LMBR1: variants seen among roughly 807,000 people sequenced by gnomAD.
The protein encoded by LMBR1 is limb development membrane protein 1.
In LMBR1, 52 loss-of-function variants were observed where a neutral mutation model predicts 73.9. The observed-to-expected ratio is 0.70, with a 90% CI of 0.56 to 0.89. The LOEUF (loss-of-function observed/expected upper bound fraction) is 0.89. LMBR1 is among the 40% of genes least tolerant of loss of function. The probability of loss-of-function intolerance (pLI) is 0.00; values close to 1 mark genes in which losing one functional copy is unlikely to be tolerated. For missense variants in LMBR1, 539 were observed against 579.8 expected (o/e 0.93, Z 0.72); for synonymous variants, 215 against 209.4 (o/e 1.03, Z -0.23).
chr7:156,837,746 CTTCT>C (rs751772053), intron 1 of LMBR1, among the ~76,000 whole-genome samples: 10 of 149,778 alleles, frequency 6.7e-5, no homozygotes, highest in African/African-American at 1.2e-4. Flanking sequence ...GAAGAAAAGA[CTTCT>C]TTAAGATATC....
intron 5 of LMBR1, among the ~76,000 whole-genome samples, chr7:156,792,915 G>GAA (rs76982808): frequency 1.2e-4 from 15 of 127,594 alleles, no homozygotes; most frequent in South Asian, 2.4e-4. Flanking sequence ...GTGGCCACAG[G>GAA]AAAAAAAAAA....
intron 15 of LMBR1, 92 bp from the exon 16 acceptor site, chr7:156,688,283 T>C (rs1479444389): frequency 1.2e-5 from 10 of 853,012 alleles, no homozygotes; most frequent in Non-Finnish European, 1.8e-5. Context: ...TCGAATTCTA[T>C]GGACTTTCTC....
At chr7:156,747,717 T>C (rs1820101866) in intron 9 of LMBR1, among the ~76,000 whole-genome samples, 1 of 152,164 alleles carries the variant, frequency 6.6e-6, no homozygotes, top group African/African-American at 2.4e-5. Flanking sequence ...GATTAGAAAA[T>C]ATTATCCAAG....
At chr7:156,712,593 C>G (rs1812308889) in intron 15 of LMBR1, among the ~76,000 whole-genome samples, 1 of 152,110 alleles carries the variant, frequency 6.6e-6, no homozygotes, top group African/African-American at 2.4e-5. Flanking sequence ...ATCACAATAG[C>G]AAAGATATGG....
At chr7:156,755,518 C>A (rs1030790163) in intron 9 of LMBR1, among the ~76,000 whole-genome samples, 3 of 152,210 alleles carry the variant, frequency 2.0e-5, no homozygotes, top group African/African-American at 7.2e-5. Context: ...CTTTACAACT[C>A]AGGCATGTTT....
intron 5 of LMBR1, among the ~76,000 whole-genome samples, chr7:156,782,529 G>A (rs1194679305): frequency 6.6e-6 from 1 of 151,782 alleles, no homozygotes; most frequent in East Asian, 1.9e-4. Flanking sequence ...GTATCTCATT[G>A]CAGTTTTGTT....
Position 156,762,166 on chromosome 7 carries a change from T to C in LMBR1, c.652A>G (p.Thr218Ala), listed in dbSNP as rs1308864480. ...TTCACTAGCAACTGACCCATCACTG[T>C]GAACATACGAGAAAGGCCAACTGGT... ...CTPVGLSRMF[T>A]VMGQLLVKPT... is the part of the protein sequence containing the mutation. The change falls in exon 8 of 17, where the codon ACA becomes GCA. Residue 218 changes from threonine (T) to alanine (A), a missense_variant. Around this residue, in one of 3 missense-constraint regions of LMBR1, gnomAD observed 454 missense variants for 473.4 expected, o/e 0.96. Transcript: ENST00000353442. The C allele has an allele frequency of 1.9e-6, 3 of 1,611,928 alleles. No homozygotes were observed. The South Asian group carries it at 3.3e-5, about 18-fold the overall frequency.
intron 1 of LMBR1, among the ~76,000 whole-genome samples, chr7:156,855,665 A>C (rs185937726): frequency 9.1e-6 from 1 of 109,406 alleles, no homozygotes. Flanking sequence ...CAACGTAAAT[A>C]CAAAAAAAAA....
chr7:156,817,492 CAGAGAGAG>C (rs72370655), intron 4 of LMBR1, among the ~76,000 whole-genome samples: 4 of 146,854 alleles, frequency 2.7e-5, no homozygotes, highest in African/African-American at 5.0e-5. Flanking sequence ...TAAAAAGAGA[CAGAGAGAG>C]AGAGAGAGAG....
At chr7:156,752,770 AG>A (rs1343504399) in intron 9 of LMBR1, among the ~76,000 whole-genome samples, 1 of 152,214 alleles carries the variant, frequency 6.6e-6, no homozygotes, top group Non-Finnish European at 1.5e-5. Flanking sequence ...ACATATATAA[AG>A]GAAGGCCAGG....
chr7:156,863,517 C>T (rs981463263), intron 1 of LMBR1, among the ~76,000 whole-genome samples: 2 of 152,112 alleles, frequency 1.3e-5, no homozygotes, highest in African/African-American at 4.8e-5. Context: ...TCAATCCAAT[C>T]AAGTTGACAC....
chr7:156,830,235 TTTTA>T (rs774188584), intron 3 of LMBR1, among the ~76,000 whole-genome samples: 28 of 152,340 alleles, frequency 1.8e-4, no homozygotes, highest in African/African-American at 3.1e-4. Context: ...AATAAATGCT[TTTTA>T]TTTATTTGTA....
At chr7:156,690,567 T>A (rs549248929) in intron 15 of LMBR1, among the ~76,000 whole-genome samples, 1 of 152,318 alleles carries the variant, frequency 6.6e-6, no homozygotes, top group East Asian at 1.9e-4. Context: ...GGACTCAACT[T>A]GGTATCTTGA....
intron 4 of LMBR1, 24 bp from the exon 5 acceptor site, chr7:156,796,516 G>T: frequency 1.4e-6 from 2 of 1,475,346 alleles, no homozygotes; most frequent in Non-Finnish European, 1.9e-6. Flanking sequence ...AACAAGAAAA[G>T]AAGAAAAACA....
chr7:156,857,352 C>T (rs1003074468), intron 1 of LMBR1, among the ~76,000 whole-genome samples: 8 of 152,060 alleles, frequency 5.3e-5, no homozygotes, highest in African/African-American at 4.8e-5. Flanking sequence ...TCAGGCAAGG[C>T]AGACTTCAGA....
chr7:156,778,873 C>T (rs1347563441), intron 5 of LMBR1, among the ~76,000 whole-genome samples: 2 of 152,100 alleles, frequency 1.3e-5, no homozygotes, highest in African/African-American at 2.4e-5. Flanking sequence ...AAAAATATGC[C>T]GACTGCTCAT....
intron 5 of LMBR1, among the ~76,000 whole-genome samples, chr7:156,771,502 C>T (rs1356922498): frequency 1.3e-5 from 2 of 151,990 alleles, no homozygotes; most frequent in Non-Finnish European, 1.5e-5. Flanking sequence ...ACAAACATTC[C>T]GGGAAACATA....
chr7:156,815,156 CAA>C (rs10674367), intron 4 of LMBR1, among the ~76,000 whole-genome samples: 5 of 84,322 alleles, frequency 5.9e-5, no homozygotes, highest in Non-Finnish European at 1.1e-4. Context: ...AACTCCGTCT[CAA>C]AAAAAAAAAA....
chr7:156,686,315 C>T (rs1299282448), intron 16 of LMBR1, among the ~76,000 whole-genome samples: 5 of 152,024 alleles, frequency 3.3e-5, no homozygotes, highest in Non-Finnish European at 4.4e-5. Flanking sequence ...TTACTATGTG[C>T]TAGATATTCT....
Sources: gnomAD v4.1 joint callset for allele counts (sites outside exome capture counted in the v4.1 genomes callset) on GRCh38, gnomAD v4.1.1 for gene constraint, gnomAD v4.1.1 regional missense constraint, MANE v1.5 for transcripts, NCBI Gene and HGNC (gene_info 2026-07-23, HGNC 2026-07-21) for gene names.